The following NSL1 variants were observed in gnomAD, a reference collection of about 807,000 sequenced individuals.
The protein encoded by NSL1 is NSL1 component of MIS12 kinetochore complex.
Under a neutral mutation model 25.4 loss-of-function variants are expected in NSL1, and 11 were observed. That is an observed-to-expected ratio of 0.43 (90% confidence interval 0.27 to 0.72). The LOEUF is 0.72. NSL1 is among the 30% of genes least tolerant of loss of function. The pLI, the probability that NSL1 is intolerant of heterozygous loss-of-function variation, is 0.19. For synonymous variants in NSL1, 118 were observed against 120.6 expected (o/e 0.98, Z 0.14); for missense variants, 330 against 342.7 (o/e 0.96, Z 0.29).
intron 2 of NSL1, among the ~76,000 whole-genome samples, chr1:212,784,854 G>T (rs1660878373): frequency 6.6e-6 from 1 of 152,180 alleles, no homozygotes; most frequent in Admixed American, 6.5e-5. Flanking sequence ...ATGGAAAACT[G>T]ACTGACTGTG....
At chr1:212,768,500 A>C (rs1353454164) in intron 4 of NSL1, among the ~76,000 whole-genome samples, 5 of 152,210 alleles carry the variant, frequency 3.3e-5, no homozygotes, top group Non-Finnish European at 7.3e-5. Flanking sequence ...AATGCCCATC[A>C]ACCAACTAGT....
At chr1:212,757,697 G>C (rs1257281069) in intron 4 of NSL1, among the ~76,000 whole-genome samples, 1 of 152,124 alleles carries the variant, frequency 6.6e-6, no homozygotes, top group Admixed American at 6.5e-5. Flanking sequence ...TTACCACAAG[G>C]AGGGCACCAA....
At chr1:212,745,160 CTATATATATATAT>C (rs1315842627) in intron 4 of NSL1, among the ~76,000 whole-genome samples, 5 of 117,688 alleles carry the variant, frequency 4.2e-5, no homozygotes, top group Admixed American at 9.5e-5. Flanking sequence ...AACAAACAAA[CTATATATATATAT>C]ATATATATAT....
chr1:212,780,063 G>C (rs1471478765), intron 4 of NSL1, among the ~76,000 whole-genome samples: 6 of 151,964 alleles, frequency 3.9e-5, no homozygotes, highest in African/African-American at 7.2e-5. Flanking sequence ...GAATAGAAAG[G>C]GGGGAAAGGT....
At chr1:212,777,764 G>C (rs1338692029) in intron 4 of NSL1, among the ~76,000 whole-genome samples, 1 of 152,172 alleles carries the variant, frequency 6.6e-6, no homozygotes, top group East Asian at 1.9e-4. Flanking sequence ...TTCCTAAAAA[G>C]GTCTGAAACA....
chr1:212,769,220 T>C (rs1004675639), intron 4 of NSL1, among the ~76,000 whole-genome samples: 1 of 152,132 alleles, frequency 6.6e-6, no homozygotes, highest in Admixed American at 6.6e-5. Context: ...GCTAAAAACT[T>C]CTCAAATCTT....
intron 1 of NSL1, among the ~76,000 whole-genome samples, chr1:212,789,744 C>G (rs1195919647): frequency 2.0e-5 from 3 of 152,188 alleles, no homozygotes; most frequent in Non-Finnish European, 4.4e-5. Context: ...TTATAATTCA[C>G]TTTATCGTCC....
intron 4 of NSL1, among the ~76,000 whole-genome samples, chr1:212,762,420 A>G (rs931977654): frequency 1.3e-5 from 2 of 152,010 alleles, no homozygotes; most frequent in Non-Finnish European, 2.9e-5. Flanking sequence ...CTTGAATTAG[A>G]TCTTTTATTT....
Position 212,777,549 on chromosome 1 carries a change from A to G in NSL1, c.499+4823T>C, listed in dbSNP as rs1660431509. 2.0e-5 allele frequency among the ~76,000 whole-genome samples: 3 copies of G among 152,206 alleles called. No individual in the cohort carries two copies. The South Asian group carries it at 6.2e-4, about 32-fold the overall frequency. On this transcript the variant is annotated intron_variant, in intron 4 of 5. Coordinates refer to ENST00000366977, the MANE Select transcript of NSL1 (RefSeq NM_015471.4). ...TGATGGAGAAAAAAGTTACAAAATGATATGATCAGTATGATACAATTTATA... is the reference window on the plus strand; with the variant it reads ...TGATGGAGAAAAAAGTTACAAAATGGTATGATCAGTATGATACAATTTATA...
At position 212,737,948 on chromosome 1, in the gene NSL1, C is replaced by T. The variant is rs1339146166; in HGVS notation, c.*460G>A. The T allele has an allele frequency of 6.1e-6, 6 of 985,306 alleles. No individual in the cohort carries two copies. Among genetic ancestry groups the T allele is most frequent in the Non-Finnish European group, 7.2e-6 (6 of 830,084 alleles). 61.0% of individuals were successfully genotyped at this position (985,306 alleles called of 1,614,324 possible). On this transcript the variant is annotated 3_prime_UTR_variant, in exon 6 of 6. Coordinates refer to ENST00000366977, the MANE Select transcript of NSL1 (RefSeq NM_015471.4). Reference sequence around the variant, plus strand: ...ATCAAACTACATCTTTAAAAAAAAACCCTGCATCTGCTGCTGTGCAGAACT... The same window carrying T: ...ATCAAACTACATCTTTAAAAAAAAATCCTGCATCTGCTGCTGTGCAGAACT...
At chr1:212,783,868 G>A (rs1660826166) in intron 3 of NSL1, among the ~76,000 whole-genome samples, 1 of 152,168 alleles carries the variant, frequency 6.6e-6, no homozygotes, top group Admixed American at 6.5e-5. Context: ...TCACCCAGAT[G>A]TTCATGATTT....
chr1:212,760,157 C>T lies in NSL1; in HGVS notation c.500-20556G>A, dbSNP rs1240817165. Among the ~76,000 whole-genome samples the T allele has an allele frequency of 2.0e-5, 3 of 152,036 alleles. No individual in the cohort carries two copies. The highest frequency in any genetic ancestry group is 7.2e-5 in the African/African-American group (3 of 41,390). On this transcript the variant is annotated intron_variant, in intron 4 of 5. Coordinates refer to ENST00000366977, the MANE Select transcript of NSL1 (RefSeq NM_015471.4). This position sits in a 1 kb window ranked among gnomAD's most constrained non-coding sequence, Gnocchi z 4.3. ...TGCTTCTGGGGCACACACACACACA[C>T]ACCATAAGGGAGCTTAACAGCAGGT...
chr1:212,745,560 T>C (rs896092569), intron 4 of NSL1, among the ~76,000 whole-genome samples: 1 of 152,130 alleles, frequency 6.6e-6, no homozygotes, highest in African/African-American at 2.4e-5. Flanking sequence ...TGGGAGGATA[T>C]GGTTAAAGTG....
rs1571850685 is a variant in NSL1 at position 212,727,666 on chromosome 1, C to T, written c.*10742G>A. The T allele has an allele frequency of 1.0e-6, 1 of 985,154 alleles. No homozygotes were observed. The highest frequency in any genetic ancestry group is 1.1e-4 in the East Asian group (1 of 8,818). The allele number at this position is 985,154 out of a possible 1,614,324, so 61.0% of individuals were successfully genotyped here. ...AATTTACTATAATTATAATCCTGAACAATCAGGACTGTTAGCTTCCCACGA... is the reference window on the plus strand; with the variant it reads ...AATTTACTATAATTATAATCCTGAATAATCAGGACTGTTAGCTTCCCACGA... On this transcript the variant is annotated 3_prime_UTR_variant, in exon 6 of 6. Coordinates refer to ENST00000366977, the MANE Select transcript of NSL1 (RefSeq NM_015471.4).
At position 212,728,195 on chromosome 1, in the gene NSL1, G is replaced by C. The variant is rs1417537446; in HGVS notation, c.*10213C>G. 2 of 914,056 alleles carry C rather than the reference G, an allele frequency of 2.2e-6. No homozygotes were observed. The highest frequency in any genetic ancestry group is 2.6e-6 in the Non-Finnish European group (2 of 765,298). 56.6% of individuals were successfully genotyped at this position (914,056 alleles called of 1,614,324 possible). A position where few individuals can be genotyped will look rare whatever the true frequency, so the allele number is the denominator to read the frequency against. On this transcript the variant is annotated 3_prime_UTR_variant, in exon 6 of 6. Coordinates refer to ENST00000366977, the MANE Select transcript of NSL1 (RefSeq NM_015471.4). ...GCTTTTAGCATGATCATGGCATGTAGTAAGCACTCAATACATGGTAACTAC... is the reference window on the plus strand; with the variant it reads ...GCTTTTAGCATGATCATGGCATGTACTAAGCACTCAATACATGGTAACTAC...
intron 4 of NSL1, among the ~76,000 whole-genome samples, chr1:212,778,689 G>A (rs1287428609): frequency 1.5e-4 from 23 of 152,036 alleles, no homozygotes; most frequent in African/African-American, 5.3e-4. Flanking sequence ...ACGGAGTCTC[G>A]TTCACTCAGT....
chr1:212,732,627 C>T lies in NSL1; in HGVS notation c.*5781G>A. On this transcript the variant is annotated 3_prime_UTR_variant, in exon 6 of 6. Coordinates refer to ENST00000366977, the MANE Select transcript of NSL1 (RefSeq NM_015471.4). ...CTTATTCCAACCTGGTCTGCCTAGT[C>T]TCCAAATCTGCTGATTAGTTAGTAG... 1 of 985,414 alleles carries T rather than the reference C, an allele frequency of 1.0e-6. No homozygotes were observed. Among genetic ancestry groups the T allele is most frequent in the Non-Finnish European group, 1.2e-6 (1 of 829,930 alleles). The allele number at this position is 985,414 out of a possible 1,614,324, so 61.0% of individuals were successfully genotyped here. A position where few individuals can be genotyped will look rare whatever the true frequency, so the allele number is the denominator to read the frequency against.
chr1:212,770,138 G>T (rs966604941), intron 4 of NSL1, among the ~76,000 whole-genome samples: 1 of 151,960 alleles, frequency 6.6e-6, no homozygotes, highest in African/African-American at 2.4e-5. Context: ...TTCAGAAAGA[G>T]GATATAATAA....
At chr1:212,786,730 C>G (rs893818534) in intron 2 of NSL1, among the ~76,000 whole-genome samples, 3 of 151,722 alleles carry the variant, frequency 2.0e-5, no homozygotes, top group African/African-American at 7.3e-5. Flanking sequence ...ACTGCTTGAA[C>G]CTAGGAGGTG....
Sources: allele counts gnomAD v4.1 joint callset (sites outside exome capture counted in the v4.1 genomes callset), GRCh38; gene constraint gnomAD v4.1.1; non-coding constraint Gnocchi (gnomAD v3.1); transcripts MANE v1.5; gene names NCBI Gene and HGNC (gene_info 2026-07-23, HGNC 2026-07-21).